The following DPYSL3 variants were observed in gnomAD, a reference collection of about 807,000 sequenced individuals.
DPYSL3 encodes dihydropyrimidinase-related protein 3.
A neutral mutation model predicts 66.1 loss-of-function variants in DPYSL3; 16 were observed. That is an observed-to-expected ratio of 0.24 (90% CI 0.16 to 0.37). The LOEUF (loss-of-function observed/expected upper bound fraction) is 0.37, where lower values mean the gene tolerates loss of function less well. Ranked by LOEUF, DPYSL3 falls within the 10% of genes least tolerant of loss-of-function variation. The probability of loss-of-function intolerance (pLI) is 1.00; values close to 1 mark genes in which losing one functional copy is unlikely to be tolerated. For missense variants in DPYSL3, 738 were observed against 916.2 expected, an observed-to-expected ratio of 0.81 and a Z score of 2.51; for synonymous variants, 338 against 345.1, an observed-to-expected ratio of 0.98 and a Z score of 0.23.
At chr5:147,478,030 A>G (rs964232616) in intron 1 of DPYSL3, among the ~76,000 whole-genome samples, 1 of 152,208 alleles carries the variant, frequency 6.6e-6, no homozygotes, top group Non-Finnish European at 1.5e-5. Flanking sequence ...TGTCTCTTGT[A>G]TCTTACATTT....
intron 1 of DPYSL3, among the ~76,000 whole-genome samples, chr5:147,495,170 T>C (rs554585581): frequency 1.3e-5 from 2 of 152,268 alleles, no homozygotes; most frequent in African/African-American, 2.4e-5. Flanking sequence ...CTTTCAGAGA[T>C]AGAAGCAGAA....
chr5:147,457,251 A>G (rs1752865999), intron 1 of DPYSL3, among the ~76,000 whole-genome samples: 1 of 152,070 alleles, frequency 6.6e-6, no homozygotes, highest in African/African-American at 2.4e-5. Context: ...TTATCTTCAT[A>G]ATACTTTTTA....
At chr5:147,433,953 CA>C (rs1752364919) in intron 1 of DPYSL3, among the ~76,000 whole-genome samples, 1 of 150,984 alleles carries the variant, frequency 6.6e-6, no homozygotes, top group African/African-American at 2.4e-5. Context: ...TCGCTTGAAC[CA>C]GGGAGTCAGA....
intron 1 of DPYSL3, among the ~76,000 whole-genome samples, chr5:147,499,295 G>A (rs1034549807): frequency 2.0e-5 from 3 of 152,122 alleles, no homozygotes; most frequent in Non-Finnish European, 4.4e-5. Context: ...AGTGATTATA[G>A]CAAGGTTGCA....
chr5:147,486,097 A>G (rs1753325079), intron 1 of DPYSL3, among the ~76,000 whole-genome samples: 1 of 152,186 alleles, frequency 6.6e-6, no homozygotes, highest in African/African-American at 2.4e-5. Context: ...GAAGACAAAC[A>G]CCAAGGCTAC....
At chr5:147,429,262 CGT>C (rs1179050899) in intron 1 of DPYSL3, among the ~76,000 whole-genome samples, 1 of 152,186 alleles carries the variant, frequency 6.6e-6, no homozygotes, top group Non-Finnish European at 1.5e-5. Flanking sequence ...CCAAGAGCTA[CGT>C]GTGTCACTGT....
At chr5:147,474,834 T>G (rs1386320192) in intron 1 of DPYSL3, among the ~76,000 whole-genome samples, 9 of 152,088 alleles carry the variant, frequency 5.9e-5, no homozygotes, top group Admixed American at 5.9e-4. Flanking sequence ...ATTCCGTGGT[T>G]TTTAAGGTAT....
intron 1 of DPYSL3, among the ~76,000 whole-genome samples, chr5:147,440,437 C>T (rs533446921): frequency 6.6e-6 from 1 of 152,332 alleles, no homozygotes; most frequent in East Asian, 1.9e-4. Flanking sequence ...ACATAGACAG[C>T]TTCCAAGTCT....
intron 1 of DPYSL3, among the ~76,000 whole-genome samples, chr5:147,446,745 A>G (rs1752636555): frequency 6.6e-6 from 1 of 152,230 alleles, no homozygotes; most frequent in Non-Finnish European, 1.5e-5. Context: ...AAAAGCCAGA[A>G]GCTAACTCAG....
chr5:147,446,623 G>T (rs1752634467), intron 1 of DPYSL3, among the ~76,000 whole-genome samples: 1 of 152,206 alleles, frequency 6.6e-6, no homozygotes, highest in Admixed American at 6.5e-5. Context: ...CTATGTCTGG[G>T]AAGAAGACAG....
At chr5:147,401,879 G>C in intron 8 of DPYSL3, 183 bp from the exon 9 acceptor site, 1 of 555,466 alleles carries the variant, frequency 1.8e-6, no homozygotes, top group South Asian at 3.4e-5. Flanking sequence ...ATGTGACCAA[G>C]TTTGTATTCT....
chr5:147,504,831 A>G (rs1021391447), intron 1 of DPYSL3, among the ~76,000 whole-genome samples: 2 of 152,158 alleles, frequency 1.3e-5, no homozygotes, highest in Admixed American at 6.5e-5. Context: ...TTATCAATAA[A>G]AACCCCTGTA....
intron 1 of DPYSL3, among the ~76,000 whole-genome samples, chr5:147,483,063 A>C (rs1753273064): frequency 6.6e-6 from 1 of 152,150 alleles, no homozygotes; most frequent in African/African-American, 2.4e-5. Flanking sequence ...ATTACAATTC[A>C]AGATGAGATC....
At chr5:147,412,825 C>T (rs1218961031) in intron 5 of DPYSL3, 137 bp from the exon 6 acceptor site, 26 of 736,228 alleles carry the variant, frequency 3.5e-5, no homozygotes, top group Non-Finnish European at 5.8e-5. Flanking sequence ...ATATATATTA[C>T]ATAGGCATGA....
chr5:147,440,095 G>A (rs1169453579), intron 1 of DPYSL3, among the ~76,000 whole-genome samples: 1 of 152,164 alleles, frequency 6.6e-6, no homozygotes, highest in Admixed American at 6.5e-5. Context: ...GAGGTCAGGA[G>A]ATCGAGCCCA....
intron 3 of DPYSL3, 64 bp downstream of exon 3, chr5:147,418,383 A>T: frequency 6.8e-7 from 1 of 1,463,744 alleles, no homozygotes; most frequent in Non-Finnish European, 9.3e-7. Context: ...AGAGTTCTGG[A>T]GATAACACAT....
chr5:147,466,669 G>A (rs539087357), intron 1 of DPYSL3, among the ~76,000 whole-genome samples: 1 of 152,284 alleles, frequency 6.6e-6, no homozygotes, highest in South Asian at 2.1e-4. Flanking sequence ...CCTGGATGGG[G>A]ACTCAGAACA....
At chr5:147,466,239 A>G (rs1458008510) in intron 1 of DPYSL3, among the ~76,000 whole-genome samples, 2 of 152,138 alleles carry the variant, frequency 1.3e-5, no homozygotes, top group East Asian at 1.9e-4. Flanking sequence ...CCATTTATTT[A>G]TGCCCCTGCC....
chr5:147,493,327 A>G (rs763034279), intron 1 of DPYSL3, among the ~76,000 whole-genome samples: 1 of 152,166 alleles, frequency 6.6e-6, no homozygotes, highest in Non-Finnish European at 1.5e-5. Flanking sequence ...AATTCCAGCA[A>G]TTTGGGAGGT....
Sources: gnomAD v4.1 joint callset for allele counts (sites outside exome capture counted in the v4.1 genomes callset) on GRCh38, gnomAD v4.1.1 for gene constraint, MANE v1.5 for transcripts, NCBI Gene and HGNC (gene_info 2026-07-23, HGNC 2026-07-21) for gene names.